The following COA5 variants were observed in gnomAD, a reference collection of about 807,000 sequenced individuals.
The protein encoded by COA5 is cytochrome c oxidase assembly factor 5, also known as protein C2orf64.
A neutral mutation model predicts 11.8 loss-of-function variants in COA5; 11 were observed. That is an observed-to-expected ratio of 0.93 (90% CI 0.59 to 1.54). The LOEUF (loss-of-function observed/expected upper bound fraction) is 1.54, where lower values mean the gene tolerates loss of function less well. Among genes scored for constraint, COA5 ranks in the 40% most tolerant of loss-of-function variants. COA5 has a pLI of 0.00. For synonymous variants in COA5, 38 were observed against 37.5 expected (o/e 1.01, Z -0.05); for missense variants, 87 against 89.2 (o/e 0.97, Z 0.10).
chr2:98,600,876 A>T (rs886636203), intron 2 of COA5, 83 bp from the exon 3 acceptor site: 20 of 871,768 alleles, frequency 2.3e-5, no homozygotes, highest in Admixed American at 8.0e-5. Context: ...GTATCACCGC[A>T]TGAGAGAAAT....
chr2:98,600,725 T>C lies in COA5; in HGVS notation c.*27A>G. On this transcript the variant is annotated 3_prime_UTR_variant, in exon 3 of 3. Coordinates refer to ENST00000328709, the MANE Select transcript of COA5 (RefSeq NM_001008215.3). ...AATGACCAGGGAAAATATTTGTTGT[T>C]TTCCATGTTGGCTTCAACATAATGC... 6.2e-7 allele frequency: 1 copy of C among 1,602,854 alleles called. No homozygotes were observed. Among genetic ancestry groups the C allele is most frequent in the Non-Finnish European group, 8.5e-7 (1 of 1,171,310 alleles).
intron 1 of COA5, among the ~76,000 whole-genome samples, chr2:98,606,548 C>T (rs909080541): frequency 1.3e-5 from 2 of 152,218 alleles, no homozygotes; most frequent in Non-Finnish European, 2.9e-5. Context: ...CAAACAGCTC[C>T]GCTTTCTATA....
At chr2:98,608,187 T>A (rs1700737561) in intron 1 of COA5, 120 bp downstream of exon 1, 2 of 732,968 alleles carry the variant, frequency 2.7e-6, no homozygotes, top group Non-Finnish European at 4.8e-6. Context: ...GAGCCCGAGC[T>A]GTGACCTACG....
At position 98,608,512 on chromosome 2, in the gene COA5, C is replaced by A. The variant is rs1052585974; in HGVS notation, c.-107G>T. The A allele has an allele frequency of 3.5e-5, 31 of 882,240 alleles. No homozygotes were observed. Among genetic ancestry groups the A allele is most frequent in the South Asian group, 5.6e-5 (4 of 70,848 alleles). The allele number at this position is 882,240 out of a possible 1,614,324, so 54.7% of individuals were successfully genotyped here. A position where few individuals can be genotyped will look rare whatever the true frequency, so the allele number is the denominator to read the frequency against. On this transcript the variant is annotated 5_prime_UTR_variant, in exon 1 of 3. Transcript: ENST00000328709. Reference sequence around the variant, plus strand: ...GTCTCAGGGGACCGGAAGCCAGCGGCAACAACTTCCGGCGGGCCGCGGCGG... The same window carrying A: ...GTCTCAGGGGACCGGAAGCCAGCGGAAACAACTTCCGGCGGGCCGCGGCGG...
chr2:98,600,730 A>G lies in COA5; in HGVS notation c.*22T>C, dbSNP rs1317948724. ...CCAGGGAAAATATTTGTTGTTTTCC[A>G]TGTTGGCTTCAACATAATGCATCAA... On this transcript the variant is annotated 3_prime_UTR_variant, in exon 3 of 3. Transcript: ENST00000328709. 1 of 1,605,766 alleles carries G rather than the reference A, an allele frequency of 6.2e-7. No individual in the cohort carries two copies. The highest frequency in any genetic ancestry group is 2.2e-5 in the East Asian group (1 of 44,792).
At position 98,607,143 on chromosome 2, in the gene COA5, C is replaced by G. The variant is rs76184069; in HGVS notation, c.99+1164G>C. ...CAGTCTTATGGCAGGAATTTAGACC[C>G]TTAGATGTCTATTTCTCCCATGACA... On this transcript the variant is annotated intron_variant, in intron 1 of 2. Coordinates refer to ENST00000328709, the MANE Select transcript of COA5 (RefSeq NM_001008215.3). Among the ~76,000 whole-genome samples, 692 of 152,288 alleles carry G rather than the reference C, an allele frequency of 4.5e-3. 6 individuals are homozygous for G. Among genetic ancestry groups the G allele is most frequent in the African/African-American group, 0.013 (551 of 41,558 alleles).
chr2:98,601,148 G>A (rs1391577983), intron 2 of COA5, among the ~76,000 whole-genome samples: 2 of 152,088 alleles, frequency 1.3e-5, no homozygotes, highest in Non-Finnish European at 2.9e-5. Context: ...AGGAGGCTGA[G>A]GCGGGAGAAT....
rs387907099 is a variant in COA5 at position 98,604,134 on chromosome 2, C to T, written c.157G>A (p.Ala53Thr). The change falls in exon 2 of 3, where the codon GCA becomes ACA. Residue 53 changes from alanine (A) to threonine (T), a missense_variant. Ala to Thr is a moderately conservative substitution (Grantham distance 58, BLOSUM62 0). Transcript: ENST00000328709. Reference sequence around the variant, plus strand: ...ACTGATCTTTTACACTCAAAAAATGCGTACTTCAAAGAGTTGCAGTATCCT... The same window carrying T: ...ACTGATCTTTTACACTCAAAAAATGTGTACTTCAAAGAGTTGCAGTATCCT... ...KEGYCNSLKY[A>T]FFECKRSVLD... 6.2e-6 allele frequency: 10 copies of T among 1,613,494 alleles called. No individual in the cohort carries two copies. Among genetic ancestry groups the T allele is most frequent in the African/African-American group, 4.0e-5 (3 of 74,888 alleles).
In COA5 at chr2:98,608,417, C is replaced by T. The variant is rs775774648; in HGVS notation, c.-12G>A. The T allele has an allele frequency of 1.3e-6, 2 of 1,578,202 alleles. No individual in the cohort carries two copies. Among genetic ancestry groups the T allele is most frequent in the Non-Finnish European group, 1.7e-6 (2 of 1,162,402 alleles). The stretch of plus-strand genomic sequence containing the variant: ...TAATACTTAGGCATGACGGCGCTTC[C>T]CCTCCGATGCGGACGCGACTTTCTC... On this transcript the variant is annotated 5_prime_UTR_variant, in exon 1 of 3. Coordinates refer to ENST00000328709, the MANE Select transcript of COA5 (RefSeq NM_001008215.3).
At chr2:98,606,188 A>G (rs1700704184) in intron 1 of COA5, among the ~76,000 whole-genome samples, 1 of 152,212 alleles carries the variant, frequency 6.6e-6, no homozygotes, top group South Asian at 2.1e-4. Flanking sequence ...AAAAATTTCC[A>G]TCATAATTAA....
chr2:98,606,303 T>C (rs1208860224), intron 1 of COA5, among the ~76,000 whole-genome samples: 1 of 152,186 alleles, frequency 6.6e-6, no homozygotes, highest in Non-Finnish European at 1.5e-5. Context: ...TTGTAGGAGA[T>C]TGTTCTGGAC....
chr2:98,600,706 C>G lies in COA5; in HGVS notation c.*46G>C. On this transcript the variant is annotated 3_prime_UTR_variant, in exon 3 of 3. Transcript: ENST00000328709. The stretch of plus-strand genomic sequence containing the variant: ...GTTTTGGCTTCTTTGTGTTAATGAC[C>G]AGGGAAAATATTTGTTGTTTTCCAT... 6.4e-7 allele frequency: 1 copy of G among 1,567,736 alleles called. No homozygotes were observed.
At position 98,608,477 on chromosome 2, in the gene COA5, C is replaced by CGT; in HGVS notation, c.-73_-72insAC. 2 of 1,218,990 alleles carry CGT rather than the reference C, an allele frequency of 1.6e-6. No homozygotes were observed. Among genetic ancestry groups the CGT allele is most frequent in the Non-Finnish European group, 1.2e-6 (1 of 854,408 alleles). 75.5% of individuals were successfully genotyped at this position (1,218,990 alleles called of 1,614,324 possible). Reference sequence around the variant, plus strand: ...CACTTGCAACCGGGTCGGGAGCGAGCGAGGCCCCAGTCTCAGGGGACCGGA... The same window carrying CGT: ...CACTTGCAACCGGGTCGGGAGCGAGCGTGAGGCCCCAGTCTCAGGGGACCGGA... On this transcript the variant is annotated 5_prime_UTR_variant, in exon 1 of 3. Coordinates refer to ENST00000328709, the MANE Select transcript of COA5 (RefSeq NM_001008215.3).
In COA5 at chr2:98,601,021, G is replaced by A. The variant is rs61009552; in HGVS notation, c.184-228C>T. On this transcript the variant is annotated intron_variant, in intron 2 of 2. Transcript: ENST00000328709. ...AGCACTTTGGGATGATGAGGTGGGC[G>A]GATCACAAGGTCAAGAGTTTGAGAG... 6.8e-4 allele frequency among the ~76,000 whole-genome samples: 103 copies of A among 152,186 alleles called. 3 individuals are homozygous for A. The East Asian group carries it at 0.019, about 27-fold the overall frequency.
At chr2:98,600,928 A>G in intron 2 of COA5, 135 bp from the exon 3 acceptor site, 1 of 673,282 alleles carries the variant, frequency 1.5e-6, no homozygotes, top group Non-Finnish European at 2.7e-6. Context: ...TGACATCAGA[A>G]CTACCAAGAA....
At chr2:98,602,667 G>T in intron 2 of COA5, 1 of 153,204 alleles carries the variant, frequency 6.5e-6, no homozygotes, top group Non-Finnish European at 1.5e-5. Flanking sequence ...AAAAAAAAAG[G>T]GTCCCTAAGG....
chr2:98,605,548 C>G (rs1479079275), intron 1 of COA5, among the ~76,000 whole-genome samples: 1 of 152,224 alleles, frequency 6.6e-6, no homozygotes, highest in Non-Finnish European at 1.5e-5. Flanking sequence ...AGTTCTCTAT[C>G]TCGTTTAAGC....
At chr2:98,607,030 T>G (rs985843211) in intron 1 of COA5, among the ~76,000 whole-genome samples, 1 of 152,200 alleles carries the variant, frequency 6.6e-6, no homozygotes, top group Non-Finnish European at 1.5e-5. Flanking sequence ...GATTCCAAAT[T>G]CTGAAGCAAA....
rs963553621 is a variant in COA5, at chr2:98,608,222, C to T, written c.99+85G>A. On this transcript the variant is annotated intron_variant, in intron 1 of 2. Transcript: ENST00000328709. ...GCCCGGGATGGTTAACTCCAACCGC[C>T]GCCGCGGGCGACCCGCTGCCCTCCG... is the stretch of plus-strand genomic sequence containing the variant. 3.9e-6 allele frequency: 4 copies of T among 1,029,986 alleles called. No homozygotes were observed. The African/African-American group carries it at 6.3e-5, about 16-fold the overall frequency. 63.8% of individuals were successfully genotyped at this position (1,029,986 alleles called of 1,614,324 possible).
Sources: gnomAD v4.1 joint callset for allele counts (sites outside exome capture counted in the v4.1 genomes callset) on GRCh38, gnomAD v4.1.1 for gene constraint, MANE v1.5 for transcripts, NCBI Gene and HGNC (gene_info 2026-07-23, HGNC 2026-07-21) for gene names.